Variants in LRRC7 observed in about 807,000 individuals in gnomAD.
The protein encoded by LRRC7 is leucine-rich repeat-containing protein 7.
Under a neutral mutation model 175.7 loss-of-function variants are expected in LRRC7, and 23 were observed. The ratio of observed to expected loss-of-function variants is 0.13; its 90% confidence interval spans 0.09 to 0.19. The LOEUF is 0.19. Ranked by LOEUF, LRRC7 falls within the 10% of genes least tolerant of loss-of-function variation. The probability of loss-of-function intolerance (pLI) is 1.00; values close to 1 mark genes in which losing one functional copy is unlikely to be tolerated. For missense variants in LRRC7, 1,354 were observed against 1,904.7 expected (o/e 0.71, Z 5.38); for synonymous variants, 685 against 680.9 (o/e 1.01, Z -0.09).
chr1:70,104,959 A>G (rs1249123135), intron 25 of LRRC7, among the ~76,000 whole-genome samples: 1 of 152,212 alleles, frequency 6.6e-6, no homozygotes, highest in East Asian at 1.9e-4. Flanking sequence ...CTGAGATAAA[A>G]TAATAGCCAA....
At chr1:69,738,345 C>T (rs1248491440) in intron 2 of LRRC7, among the ~76,000 whole-genome samples, 1 of 152,026 alleles carries the variant, frequency 6.6e-6, no homozygotes, top group African/African-American at 2.4e-5. Flanking sequence ...TTCTTATCAT[C>T]CTGTTTACCT....
At chr1:70,112,250 A>G (rs564618584) in intron 26 of LRRC7, among the ~76,000 whole-genome samples, 1 of 152,126 alleles carries the variant, frequency 6.6e-6, no homozygotes, top group Non-Finnish European at 1.5e-5. Flanking sequence ...TACTTTTTTA[A>G]AGTTAGTTTT....
chr1:69,584,622 C>T (rs906326667), intron 1 of LRRC7, among the ~76,000 whole-genome samples: 25 of 151,966 alleles, frequency 1.6e-4, no homozygotes, highest in Non-Finnish European at 1.0e-4. Flanking sequence ...ACACTATTAC[C>T]GTAATAATTC....
At chr1:69,661,208 A>T (rs972455612) in intron 1 of LRRC7, among the ~76,000 whole-genome samples, 1 of 152,162 alleles carries the variant, frequency 6.6e-6, no homozygotes, top group Non-Finnish European at 1.5e-5. Context: ...ACACAGAACT[A>T]TGTGATGTCC....
chr1:69,814,098 C>A (rs1678295296), intron 4 of LRRC7, among the ~76,000 whole-genome samples: 1 of 151,850 alleles, frequency 6.6e-6, no homozygotes, highest in Non-Finnish European at 1.5e-5. Flanking sequence ...CAGAAGATTA[C>A]AAAGGTTGAT....
chr1:69,596,529 C>T (rs774365101), intron 1 of LRRC7, among the ~76,000 whole-genome samples: 2 of 152,136 alleles, frequency 1.3e-5, no homozygotes, highest in African/African-American at 2.4e-5. Context: ...ATAGTATCCA[C>T]GGAAGTGTCG....
intron 7 of LRRC7, among the ~76,000 whole-genome samples, chr1:69,844,994 A>G (rs1682181044): frequency 6.6e-6 from 1 of 152,172 alleles, no homozygotes; most frequent in African/African-American, 2.4e-5. Context: ...TGAGGCCTAT[A>G]GTTCGAGCAC....
intron 5 of LRRC7, 64 bp from the exon 6 acceptor site, chr1:69,834,715 TA>T (rs1418076012): frequency 2.6e-6 from 3 of 1,168,554 alleles, no homozygotes; most frequent in Non-Finnish European, 3.8e-6. Flanking sequence ...CAGAGATACA[TA>T]TTTTTTTTGT....
chr1:69,606,551 C>T (rs1647615654), intron 1 of LRRC7, among the ~76,000 whole-genome samples: 1 of 152,178 alleles, frequency 6.6e-6, no homozygotes, highest in South Asian at 2.1e-4. Context: ...TGCATTTATA[C>T]TAAAACAAAT....
chr1:70,082,216 A>G (rs1663258680), intron 24 of LRRC7, among the ~76,000 whole-genome samples: 1 of 152,308 alleles, frequency 6.6e-6, no homozygotes, highest in Non-Finnish European at 1.5e-5. Flanking sequence ...ACATTTGGAG[A>G]TATTTGTTTT....
At chr1:69,887,112 C>T (rs1325150195) in intron 7 of LRRC7, among the ~76,000 whole-genome samples, 2 of 134,634 alleles carry the variant, frequency 1.5e-5, no homozygotes, top group African/African-American at 5.8e-5. Flanking sequence ...TTGCTCTTCT[C>T]GAGGAGTATC....
chr1:69,777,991 G>A (rs1046578699), intron 3 of LRRC7, among the ~76,000 whole-genome samples: 21 of 152,170 alleles, frequency 1.4e-4, no homozygotes, highest in South Asian at 8.3e-4. Context: ...ATGCTGACAT[G>A]AGGCCTCTAT....
At chr1:69,899,736 C>T (rs920388365) in intron 7 of LRRC7, among the ~76,000 whole-genome samples, 2 of 152,166 alleles carry the variant, frequency 1.3e-5, no homozygotes, top group South Asian at 2.1e-4. Flanking sequence ...GGTGATTAGG[C>T]TGTAAGGACT....
chr1:69,898,854 C>G (rs893935801), intron 7 of LRRC7, among the ~76,000 whole-genome samples: 1 of 152,082 alleles, frequency 6.6e-6, no homozygotes, highest in Non-Finnish European at 1.5e-5. Context: ...AAGTTGAGAC[C>G]CATCAAGAAG....
Position 69,825,730 on chromosome 1 carries a change from GT to G in LRRC7, c.422-11del. On this transcript the variant is annotated splice_polypyrimidine_tract_variant and intron_variant, in intron 4 of 26. Transcript: ENST00000651989. Reference sequence around the variant, plus strand: ...TTGTTGGAACATTTTCATGTACTTTGTTTTTTTCACATTTTAGGTGTACAAG... The same window carrying G: ...TTGTTGGAACATTTTCATGTACTTTGTTTTTTCACATTTTAGGTGTACAAG... 1 of 1,512,812 alleles carries G rather than the reference GT, an allele frequency of 6.6e-7. No homozygotes were observed. Among genetic ancestry groups the G allele is most frequent in the Non-Finnish European group, 9.1e-7 (1 of 1,101,030 alleles). The allele number at this position is 1,512,812 out of a possible 1,614,324, so 93.7% of individuals were successfully genotyped here.
intron 8 of LRRC7, among the ~76,000 whole-genome samples, chr1:69,947,101 G>A (rs1649405679): frequency 6.7e-6 from 1 of 148,984 alleles, no homozygotes; most frequent in African/African-American, 2.5e-5. Flanking sequence ...GAGTGAGACT[G>A]TGTCTCAAAA....
At chr1:69,673,125 A>T (rs1297620650) in intron 1 of LRRC7, among the ~76,000 whole-genome samples, 1 of 152,162 alleles carries the variant, frequency 6.6e-6, no homozygotes, top group Non-Finnish European at 1.5e-5. Flanking sequence ...AAACAAGTGT[A>T]CACAGCTGGC....
chr1:69,828,063 A>G (rs1680126226), intron 5 of LRRC7, among the ~76,000 whole-genome samples: 1 of 152,130 alleles, frequency 6.6e-6, no homozygotes, highest in Non-Finnish European at 1.5e-5. Context: ...TTTACTTAAC[A>G]TAATGATTTT....
intron 3 of LRRC7, among the ~76,000 whole-genome samples, chr1:69,776,385 G>T (rs562026578): frequency 3.9e-5 from 6 of 152,124 alleles, no homozygotes; most frequent in Admixed American, 1.3e-4. Context: ...AATGATAGTT[G>T]CACTTTCCAG....
Sources: gnomAD v4.1 joint callset for allele counts (sites outside exome capture counted in the v4.1 genomes callset) on GRCh38, gnomAD v4.1.1 for gene constraint, MANE v1.5 for transcripts, NCBI Gene and HGNC (gene_info 2026-07-23, HGNC 2026-07-21) for gene names.